The following CHN2 variants were observed in gnomAD, a reference collection of about 807,000 sequenced individuals.
CHN2 encodes beta-chimaerin.
Under a neutral mutation model 56.3 loss-of-function variants are expected in CHN2, and 35 were observed. The ratio of observed to expected loss-of-function variants is 0.62; its 90% CI spans 0.47 to 0.82. The LOEUF (loss-of-function observed/expected upper bound fraction) is 0.82. Ranked by LOEUF, CHN2 falls within the 40% of genes least tolerant of loss-of-function variation. The pLI is 0.00. For synonymous variants in CHN2, 210 were observed against 212.8 expected (o/e 0.99, Z 0.12); for missense variants, 491 against 580.5 (o/e 0.85, Z 1.58).
intron 6 of CHN2, among the ~76,000 whole-genome samples, chr7:29,434,373 C>T (rs1240648508): frequency 1.3e-5 from 2 of 148,384 alleles, no homozygotes; most frequent in Admixed American, 6.7e-5. Flanking sequence ...CTTAGAACAA[C>T]AGACCTTTTT....
At chr7:29,423,498 A>G (rs889580076) in intron 6 of CHN2, among the ~76,000 whole-genome samples, 1 of 152,162 alleles carries the variant, frequency 6.6e-6, no homozygotes, top group Non-Finnish European at 1.5e-5. Context: ...CTGCCTTGCC[A>G]TACCTCCCCC....
At chr7:29,257,609 C>G (rs544508213) in intron 1 of CHN2, among the ~76,000 whole-genome samples, 2 of 152,156 alleles carry the variant, frequency 1.3e-5, no homozygotes, top group Non-Finnish European at 2.9e-5. Context: ...CTTCTTTTTA[C>G]ACATGAGGAA....
intron 6 of CHN2, among the ~76,000 whole-genome samples, chr7:29,479,207 TGCTTTTAAGAG>T (rs1360490599): frequency 6.6e-6 from 1 of 152,208 alleles, no homozygotes; most frequent in African/African-American, 2.4e-5. Flanking sequence ...AAACAGATGA[TGCTTTTAAGAG>T]GAAGGAGGCC....
chr7:29,500,165 GCA>G (rs968755025), intron 9 of CHN2, 125 bp downstream of exon 9: 17 of 584,342 alleles, frequency 2.9e-5, no homozygotes, highest in African/African-American at 1.7e-4. Flanking sequence ...GCATGTGTGC[GCA>G]CACACACACT....
In CHN2 at chr7:29,210,721, A is replaced by C. The variant is rs1170249470; in HGVS notation, c.49+15731A>C. ...AAGGGAGACAGGAAATGCTGGGGGT[A>C]AGGGGGTCTGAGTGTTAAGTTTAGT... On this transcript the variant is annotated intron_variant, in intron 1 of 12. Coordinates refer to ENST00000222792, the MANE Select transcript of CHN2 (RefSeq NM_004067.4). Among the ~76,000 whole-genome samples the C allele has an allele frequency of 2.0e-5, 3 of 152,096 alleles. No individual in the cohort carries two copies. The East Asian group carries it at 5.8e-4, about 29-fold the overall frequency.
intron 3 of CHN2, among the ~76,000 whole-genome samples, chr7:29,376,744 A>G (rs1800109173): frequency 6.6e-6 from 1 of 152,132 alleles, no homozygotes; most frequent in Non-Finnish European, 1.5e-5. Flanking sequence ...GTAGGCACCC[A>G]TAGCCTTCCT....
At chr7:29,473,482 T>TTTTTGTGTG (rs539151442) in intron 6 of CHN2, among the ~76,000 whole-genome samples, 8 of 118,196 alleles carry the variant, frequency 6.8e-5, no homozygotes, top group South Asian at 2.9e-4. Context: ...TTTTTTTTTT[T>TTTTTGTGTG]TGTGTGTGTG....
chr7:29,424,618 G>A (rs2128108138), intron 6 of CHN2, among the ~76,000 whole-genome samples: 1 of 152,260 alleles, frequency 6.6e-6, no homozygotes, highest in South Asian at 2.1e-4. Flanking sequence ...GACATGTTTT[G>A]ACTGGTTCGT....
chr7:29,349,312 A>G (rs921646730), intron 1 of CHN2, among the ~76,000 whole-genome samples: 1 of 152,228 alleles, frequency 6.6e-6, no homozygotes, highest in Non-Finnish European at 1.5e-5. Flanking sequence ...CATTATAAAT[A>G]TTAACCCATC....
intron 6 of CHN2, among the ~76,000 whole-genome samples, chr7:29,411,234 G>A (rs1413020050): frequency 6.6e-6 from 1 of 152,212 alleles, no homozygotes; most frequent in Non-Finnish European, 1.5e-5. Context: ...TCTCCGTACA[G>A]AGGAAATACC....
At chr7:29,296,541 AGAG>A (rs1219198158) in intron 1 of CHN2, among the ~76,000 whole-genome samples, 1 of 152,248 alleles carries the variant, frequency 6.6e-6, no homozygotes, top group Non-Finnish European at 1.5e-5. Context: ...CAGATACTCC[AGAG>A]AAGAGGAAGG....
chr7:29,233,233 C>CT (rs1431754569), intron 1 of CHN2, among the ~76,000 whole-genome samples: 2 of 152,236 alleles, frequency 1.3e-5, no homozygotes, highest in Non-Finnish European at 2.9e-5. Flanking sequence ...TATCACCTAA[C>CT]TCCTAGGCTG....
intron 1 of CHN2, among the ~76,000 whole-genome samples, chr7:29,295,402 AC>A (rs2128872884): frequency 1.3e-5 from 2 of 151,432 alleles, no homozygotes; most frequent in Admixed American, 1.3e-4. Context: ...TATTTTCAGC[AC>A]CTAGAAAATG....
chr7:29,425,139 C>G (rs1804730296), intron 6 of CHN2, among the ~76,000 whole-genome samples: 4 of 152,200 alleles, frequency 2.6e-5, no homozygotes, highest in Admixed American at 2.6e-4. Flanking sequence ...GTTCGCTGTC[C>G]CTCTAGCAAT....
intron 3 of CHN2, among the ~76,000 whole-genome samples, chr7:29,386,795 C>T (rs561289952): frequency 4.1e-4 from 62 of 152,306 alleles, no homozygotes; most frequent in African/African-American, 1.4e-3. Context: ...CCAAATGTCA[C>T]TCCATCCTAG....
chr7:29,406,752 G>A (rs1015977284), intron 6 of CHN2, among the ~76,000 whole-genome samples: 1 of 152,084 alleles, frequency 6.6e-6, no homozygotes, highest in Non-Finnish European at 1.5e-5. Flanking sequence ...GGTGCCCTCC[G>A]CCAATGTGTG....
chr7:29,509,348 A>C lies in CHN2; in HGVS notation c.1177A>C (p.Met393Leu), dbSNP rs1299353235. 1 of 1,614,124 alleles carries C rather than the reference A, an allele frequency of 6.2e-7. No individual in the cohort carries two copies. The highest frequency in any genetic ancestry group is 1.1e-5 in the South Asian group (1 of 91,084). The change falls in exon 12 of 13, where the codon ATG (methionine) becomes CTG (leucine). Residue 393 changes from methionine to leucine, a missense_variant. Coordinates refer to ENST00000222792, the MANE Select transcript of CHN2 (RefSeq NM_004067.4). ...GCTGGAAGCCGTCCATGAAGTGCTG[A>C]TGCTGCTGCCTCCTGCCCACTATGA... Reference protein sequence around the residue: ...ERLEAVHEVLMLLPPAHYETL... With the variant: ...ERLEAVHEVLLLLPPAHYETL...
intron 8 of CHN2, among the ~76,000 whole-genome samples, chr7:29,499,102 T>C (rs1025211849): frequency 6.6e-6 from 1 of 152,216 alleles, no homozygotes; most frequent in Non-Finnish European, 1.5e-5. Context: ...TCAGTGGATA[T>C]TGACTGCTAA....
At chr7:29,317,745 A>G (rs1795060067) in intron 1 of CHN2, among the ~76,000 whole-genome samples, 2 of 152,074 alleles carry the variant, frequency 1.3e-5, no homozygotes, top group African/African-American at 4.8e-5. Context: ...GACATATGAG[A>G]TATGAGGCTG....
Sources: allele counts gnomAD v4.1 joint callset (sites outside exome capture counted in the v4.1 genomes callset), GRCh38; gene constraint gnomAD v4.1.1; transcripts MANE v1.5; gene names NCBI Gene and HGNC (gene_info 2026-07-23, HGNC 2026-07-21).